Variants in CSMD1 observed in about 807,000 individuals in gnomAD.
CSMD1 encodes CUB and sushi domain-containing protein 1.
A neutral mutation model predicts 417.5 loss-of-function variants in CSMD1; 213 were observed. The ratio of observed to expected loss-of-function variants is 0.51; its 90% CI spans 0.46 to 0.57. The LOEUF is 0.57. Among genes scored for constraint, CSMD1 ranks in the 20% least tolerant of loss-of-function variants. The pLI, the probability that CSMD1 is intolerant of heterozygous loss-of-function variation, is 0.00. For synonymous variants in CSMD1, 2,862 were observed against 1,736.8 expected, an observed-to-expected ratio of 1.65 and a Z score of -16.11; for missense variants, 6,923 against 4,529.7, an observed-to-expected ratio of 1.53 and a Z score of -15.17.
chr8:4,104,438 G>GCACACACA (rs58522554), intron 3 of CSMD1, among the ~76,000 whole-genome samples: 38 of 151,456 alleles, frequency 2.5e-4, no homozygotes, highest in African/African-American at 8.7e-4. Context: ...GCACACGCAT[G>GCACACACA]CACACACACA....
intron 1 of CSMD1, among the ~76,000 whole-genome samples, chr8:4,930,475 A>G (rs770863899): frequency 1.3e-5 from 2 of 152,160 alleles, no homozygotes; most frequent in Non-Finnish European, 2.9e-5. Context: ...TAGTTTACTC[A>G]GCACAGCTGT....
At chr8:4,714,573 T>G (rs542015755) in intron 1 of CSMD1, among the ~76,000 whole-genome samples, 115 of 152,220 alleles carry the variant, frequency 7.6e-4, no homozygotes, top group African/African-American at 2.6e-3. Context: ...CTTTCCCAAG[T>G]TCATAGGGTT....
chr8:4,081,166 GATAA>G (rs1563098308), intron 3 of CSMD1, among the ~76,000 whole-genome samples: 2 of 152,104 alleles, frequency 1.3e-5, no homozygotes, highest in South Asian at 4.2e-4. Context: ...CCAGCATTGT[GATAA>G]ATAAACTTCT....
intron 2 of CSMD1, among the ~76,000 whole-genome samples, chr8:4,553,373 T>A (rs1228982254): frequency 6.6e-6 from 1 of 152,102 alleles, no homozygotes; most frequent in African/African-American, 2.4e-5. Context: ...TATAAACATT[T>A]ATAAGGCTTC....
chr8:4,520,062 C>G (rs1408965740), intron 2 of CSMD1, among the ~76,000 whole-genome samples: 2 of 151,968 alleles, frequency 1.3e-5, no homozygotes, highest in African/African-American at 4.8e-5. Context: ...ACTCAACTTT[C>G]TCTTTAGATA....
chr8:3,221,847 T>C (rs1346440838), intron 28 of CSMD1, among the ~76,000 whole-genome samples: 2 of 152,052 alleles, frequency 1.3e-5, no homozygotes, highest in Admixed American at 6.5e-5. Flanking sequence ...CCATATGTCC[T>C]TCAGGTCATA....
intron 1 of CSMD1, among the ~76,000 whole-genome samples, chr8:4,778,438 G>A (rs28556783): frequency 6.6e-6 from 1 of 151,980 alleles, no homozygotes; most frequent in Non-Finnish European, 1.5e-5. Flanking sequence ...GAAGTACCTG[G>A]ACTTTTTCCA....
chr8:4,051,891 CCT>C (rs1798449269), intron 3 of CSMD1, among the ~76,000 whole-genome samples: 2 of 68,538 alleles, frequency 2.9e-5, no homozygotes, highest in South Asian at 4.8e-4. Context: ...TTCCTTCCTT[CCT>C]TCCTTCCTTC....
At chr8:4,208,258 G>A (rs1559568) in intron 3 of CSMD1, among the ~76,000 whole-genome samples, 89,567 of 152,074 alleles carry the variant, frequency 0.59, 27,875 homozygotes, top group African/African-American at 0.78. Flanking sequence ...TTGCCTTCTC[G>A]GTCAAATACA....
At chr8:4,413,156 A>G (rs1347257834) in intron 3 of CSMD1, among the ~76,000 whole-genome samples, 3 of 152,224 alleles carry the variant, frequency 2.0e-5, no homozygotes, top group African/African-American at 7.2e-5. Flanking sequence ...ACAGTGGACC[A>G]GAATAATCAG....
chr8:3,434,116 T>G (rs1169216396), intron 12 of CSMD1, among the ~76,000 whole-genome samples: 2 of 152,228 alleles, frequency 1.3e-5, no homozygotes, highest in Non-Finnish European at 2.9e-5. Context: ...AACCTTAGAA[T>G]TATATAAGAA....
At chr8:3,934,633 C>T (rs113126747) in intron 5 of CSMD1, among the ~76,000 whole-genome samples, 14,566 of 152,086 alleles carry the variant, frequency 0.096, 841 homozygotes, top group Non-Finnish European at 0.12. Context: ...GGAGGTAGAT[C>T]ACCTCAGGTC....
intron 7 of CSMD1, among the ~76,000 whole-genome samples, chr8:3,633,885 T>C (rs11990116): frequency 6.6e-6 from 1 of 152,214 alleles, no homozygotes; most frequent in Non-Finnish European, 1.5e-5. Flanking sequence ...ACCTGACGTA[T>C]GTATTCAAAA....
intron 3 of CSMD1, among the ~76,000 whole-genome samples, chr8:4,064,531 C>G (rs1442653615): frequency 6.6e-6 from 1 of 152,214 alleles, no homozygotes; most frequent in Non-Finnish European, 1.5e-5. Context: ...AGTGAAGCCA[C>G]CCATGAGGGG....
chr8:3,739,862 G>C (rs994505977), intron 6 of CSMD1, among the ~76,000 whole-genome samples: 1 of 152,114 alleles, frequency 6.6e-6, no homozygotes, highest in Non-Finnish European at 1.5e-5. Flanking sequence ...TAAAAAAGCA[G>C]GGAAGTTGAA....
chr8:3,693,534 C>T (rs1054990615), intron 7 of CSMD1, among the ~76,000 whole-genome samples: 6 of 152,082 alleles, frequency 3.9e-5, no homozygotes, highest in East Asian at 3.9e-4. Flanking sequence ...TTATACATAT[C>T]GTTACTGAGC....
chr8:4,070,587 G>C (rs930594130), intron 3 of CSMD1, among the ~76,000 whole-genome samples: 7 of 152,076 alleles, frequency 4.6e-5, no homozygotes, highest in African/African-American at 1.2e-4. Flanking sequence ...TCGTTCTCCT[G>C]ACCTCGTGAT....
At chr8:4,171,770 C>A (rs1797776937) in intron 3 of CSMD1, among the ~76,000 whole-genome samples, 2 of 152,026 alleles carry the variant, frequency 1.3e-5, no homozygotes, top group African/African-American at 4.8e-5. Flanking sequence ...TATTTCTTGG[C>A]TCACAATCCA....
intron 5 of CSMD1, among the ~76,000 whole-genome samples, chr8:3,977,143 G>A (rs1346709544): frequency 2.6e-5 from 4 of 152,072 alleles, no homozygotes; most frequent in Non-Finnish European, 5.9e-5. Context: ...CTTTCATGAT[G>A]AACATTTTCT....
Sources: allele counts gnomAD v4.1 joint callset (sites outside exome capture counted in the v4.1 genomes callset), GRCh38; gene constraint gnomAD v4.1.1; transcripts MANE v1.5; gene names NCBI Gene and HGNC (gene_info 2026-07-23, HGNC 2026-07-21).